TTC7B: variants seen among roughly 807,000 people sequenced by gnomAD.
TTC7B encodes the protein tetratricopeptide repeat domain 7B.
Under a neutral mutation model 106.8 loss-of-function variants are expected in TTC7B, and 28 were observed. The observed-to-expected ratio is 0.26, with a 90% CI of 0.19 to 0.36. TTC7B has a LOEUF of 0.36. TTC7B is among the 10% of genes least tolerant of loss of function. TTC7B has a pLI of 1.00. For missense variants in TTC7B, 862 were observed against 1,076.4 expected (o/e 0.80, Z 2.79); for synonymous variants, 405 against 430.6 (o/e 0.94, Z 0.74).
At chr14:90,814,807 G>C (rs1313203420) in intron 1 of TTC7B, among the ~76,000 whole-genome samples, 7 of 152,174 alleles carry the variant, frequency 4.6e-5, no homozygotes, top group Non-Finnish European at 1.0e-4. Context: ...CTCCTCAAAG[G>C]CTGACATAAC....
chr14:90,558,681 G>T (rs1196776916), intron 19 of TTC7B, among the ~76,000 whole-genome samples: 2 of 152,244 alleles, frequency 1.3e-5, no homozygotes, highest in Admixed American at 1.3e-4. Context: ...CCAAAGGGCG[G>T]GGTCTCCCCG....
At chr14:90,675,102 G>C (rs1170807904) in intron 9 of TTC7B, 1 of 149,580 alleles carries the variant, frequency 6.7e-6, no homozygotes, top group Non-Finnish European at 1.5e-5. Flanking sequence ...GGGAAGCCCA[G>C]GGGCAGAGAC....
Position 90,748,389 on chromosome 14 carries a change from C to T in TTC7B, c.446-3467G>A, listed in dbSNP as rs929542939. ...TGTTGCCCAGGCTGGAGTACAGTGG[C>T]GCGATCTTGGCTCACTGCAACCTCC... is the stretch of plus-strand genomic sequence containing the variant. On this transcript the variant is annotated intron_variant, in intron 3 of 19. Transcript: ENST00000328459. 3.3e-5 allele frequency among the ~76,000 whole-genome samples: 5 copies of T among 152,210 alleles called. No homozygotes were observed. The East Asian group carries it at 5.8e-4, about 18-fold the overall frequency.
intron 9 of TTC7B, among the ~76,000 whole-genome samples, chr14:90,660,111 G>A (rs543285165): frequency 1.7e-4 from 26 of 152,102 alleles, no homozygotes; most frequent in Middle Eastern, 6.8e-3. Flanking sequence ...GCGGCTGGGC[G>A]CAGTGGCTCA....
At chr14:90,563,608 A>G (rs903341505) in intron 19 of TTC7B, among the ~76,000 whole-genome samples, 10 of 152,178 alleles carry the variant, frequency 6.6e-5, no homozygotes, top group East Asian at 5.8e-4. Flanking sequence ...AGTGGGTACA[A>G]TAAGACTCAC....
chr14:90,674,927 G>A (rs1415936699), intron 9 of TTC7B, among the ~76,000 whole-genome samples: 2 of 152,172 alleles, frequency 1.3e-5, no homozygotes, highest in African/African-American at 4.8e-5. Context: ...GGAGGCAGGT[G>A]ACCACCACGA....
intron 15 of TTC7B, among the ~76,000 whole-genome samples, chr14:90,628,206 G>A (rs1469573783): frequency 6.6e-6 from 1 of 152,248 alleles, no homozygotes; most frequent in African/African-American, 2.4e-5. Flanking sequence ...ACGTGAACAG[G>A]ACATGTTTGA....
intron 15 of TTC7B, among the ~76,000 whole-genome samples, chr14:90,637,328 A>T (rs923918519): frequency 4.6e-5 from 7 of 151,384 alleles, no homozygotes; most frequent in Non-Finnish European, 1.0e-4. Context: ...ATAGCTTAAT[A>T]AAAAAAAAGA....
chr14:90,670,281 T>C (rs1886581230), intron 9 of TTC7B, among the ~76,000 whole-genome samples: 1 of 152,186 alleles, frequency 6.6e-6, no homozygotes, highest in African/African-American at 2.4e-5. Context: ...ATTCCTTTTA[T>C]ATGAGGTACC....
At chr14:90,593,654 T>A in intron 17 of TTC7B, 28 bp from the exon 18 acceptor site, 1 of 1,555,394 alleles carries the variant, frequency 6.4e-7, no homozygotes, top group Non-Finnish European at 8.7e-7. Flanking sequence ...GAAGACTCTA[T>A]CAGGAGCGAA....
chr14:90,667,587 G>C (rs1368024202), intron 9 of TTC7B, among the ~76,000 whole-genome samples: 2 of 152,094 alleles, frequency 1.3e-5, no homozygotes, highest in Non-Finnish European at 2.9e-5. Flanking sequence ...ATTATATTTT[G>C]AGTTTCATTG....
chr14:90,617,931 G>T lies in TTC7B; in HGVS notation c.1866C>A (p.Pro622=). 6.2e-7 allele frequency: 1 copy of T among 1,612,914 alleles called. No individual in the cohort carries two copies. The highest frequency in any genetic ancestry group is 2.2e-5 in the East Asian group (1 of 44,852). ...IWKSCYNLTN[P]SDSGRGSSLL... is the part of the protein sequence containing the mutation. The stretch of plus-strand genomic sequence containing the variant: ...AGCAGGCCCTGCTGGCCTCTTACCT[G>T]GGGTTGGTGAGGTTGTAGCAGGATT... Residue 622 remains proline (P), a splice_region_variant and synonymous_variant, in exon 16 of 20, where the codon CCC becomes CCA. Coordinates refer to ENST00000328459, the MANE Select transcript of TTC7B (RefSeq NM_001010854.2).
intron 18 of TTC7B, among the ~76,000 whole-genome samples, chr14:90,585,374 G>A (rs191699167): frequency 1.5e-4 from 23 of 152,224 alleles, no homozygotes; most frequent in South Asian, 4.2e-4. Context: ...CATCCCCTCC[G>A]CTGCCTTGAC....
intron 18 of TTC7B, among the ~76,000 whole-genome samples, chr14:90,579,627 G>A (rs1176888856): frequency 2.6e-5 from 4 of 152,062 alleles, no homozygotes; most frequent in African/African-American, 4.8e-5. Flanking sequence ...GGGAAACCCC[G>A]TCTCTACCAA....
In TTC7B at chr14:90,610,855, A is replaced by T. The variant is rs1892843287; in HGVS notation, c.1869-16T>A. 2 of 1,596,408 alleles carry T rather than the reference A, an allele frequency of 1.3e-6. No homozygotes were observed. The highest frequency in any genetic ancestry group is 1.7e-6 in the Non-Finnish European group (2 of 1,163,882). On this transcript the variant is annotated splice_polypyrimidine_tract_variant and intron_variant, in intron 16 of 19. Coordinates refer to ENST00000328459, the MANE Select transcript of TTC7B (RefSeq NM_001010854.2). ...TCCAGAATCACTGCAAAACACAGCT[A>T]CAAATGTCAGTCACCTGCAAGGTGG...
At position 90,610,741 on chromosome 14, in the gene TTC7B, C is replaced by T; in HGVS notation, c.1966+1G>A. The T allele has an allele frequency of 6.2e-7, 1 of 1,610,282 alleles. No homozygotes were observed. Among genetic ancestry groups the T allele is most frequent in the Non-Finnish European group, 8.5e-7 (1 of 1,176,636 alleles). ...CGTCCCCTCTGGCTTTTTATTCTCACCTGTCTCGGGATCGCTGAAGTCTGG... is the reference window on the plus strand; with the variant it reads ...CGTCCCCTCTGGCTTTTTATTCTCATCTGTCTCGGGATCGCTGAAGTCTGG... On this transcript the variant is annotated splice_donor_variant, in intron 17 of 19. Transcript: ENST00000328459. LOFTEE classifies it high-confidence loss of function.
At chr14:90,758,237 C>A (rs1284671069) in intron 3 of TTC7B, among the ~76,000 whole-genome samples, 1 of 150,476 alleles carries the variant, frequency 6.6e-6, no homozygotes, top group East Asian at 1.9e-4. Flanking sequence ...GGCCTTGGGG[C>A]ACCACTGTCC....
At chr14:90,595,324 C>T (rs1302819543) in intron 17 of TTC7B, among the ~76,000 whole-genome samples, 1 of 150,070 alleles carries the variant, frequency 6.7e-6, no homozygotes, top group Non-Finnish European at 1.5e-5. Context: ...CAGAGTGAGA[C>T]TCTGTCTCAA....
rs772345769 is a variant in TTC7B at position 90,699,309 on chromosome 14, G to C, written c.699-3731C>G. Reference sequence around the variant, plus strand: ...TGGAAAACCAAGGCTAGAGAAATTTGGGGACATGAGAATCATTTCAGCTTG... The same window carrying C: ...TGGAAAACCAAGGCTAGAGAAATTTCGGGACATGAGAATCATTTCAGCTTG... On this transcript the variant is annotated intron_variant, in intron 5 of 19. Coordinates refer to ENST00000328459, the MANE Select transcript of TTC7B (RefSeq NM_001010854.2). 72 of 434,162 alleles carry C rather than the reference G, an allele frequency of 1.7e-4. 1 individual carries two copies. Among genetic ancestry groups the C allele is most frequent in the Admixed American group, 1.2e-3 (44 of 37,978 alleles). 26.9% of individuals were successfully genotyped at this position (434,162 alleles called of 1,614,324 possible). A position where few individuals can be genotyped will look rare whatever the true frequency, so the allele number is the denominator to read the frequency against.
Sources: gnomAD v4.1 joint callset for allele counts (sites outside exome capture counted in the v4.1 genomes callset) on GRCh38, gnomAD v4.1.1 for gene constraint, MANE v1.5 for transcripts, NCBI Gene and HGNC (gene_info 2026-07-23, HGNC 2026-07-21) for gene names.